The following METTL13 variants were observed in gnomAD, a reference collection of about 807,000 sequenced individuals.
METTL13 encodes the protein methyltransferase 13, eEF1A N-terminus and K55.
METTL13 carries 52 observed loss-of-function variants against 67.4 expected under a neutral mutation model. The observed-to-expected ratio is 0.77, with a 90% CI of 0.62 to 0.97. The LOEUF is 0.97. Ranked by LOEUF, METTL13 falls within the 50% of genes least tolerant of loss-of-function variation. The pLI, the probability that METTL13 is intolerant of heterozygous loss-of-function variation, is 0.00. For missense variants in METTL13, 825 were observed against 889.6 expected (o/e 0.93, Z 0.92); for synonymous variants, 354 against 353.6 (o/e 1.00, Z -0.01).
Position 171,792,087 on chromosome 1 carries a change from T to G in METTL13, c.1545T>G (p.Phe515Leu). Residue 515 changes from phenylalanine (F) to leucine (L), a missense_variant, in exon 6 of 8, where the codon TTT (phenylalanine) becomes TTG (leucine). By Grantham distance (22) the Phe-to-Leu change is conservative. Transcript: ENST00000361735. ...GSLPLFVHDH[F>L]PKSCIDAVEI... ...TCCCCCTCTTTGTCCACGATCATTT[T>G]CCAAAGTCCTGCATTGATGCTGTGG... 1 of 1,613,908 alleles carries G rather than the reference T, an allele frequency of 6.2e-7. No homozygotes were observed. The highest frequency in any genetic ancestry group is 8.5e-7 in the Non-Finnish European group (1 of 1,180,036).
intron 3 of METTL13, 102 bp from the exon 4 acceptor site, chr1:171,787,633 C>T (rs543723923): frequency 9.4e-7 from 1 of 1,062,640 alleles, no homozygotes; most frequent in African/African-American, 1.6e-5. Flanking sequence ...TTGTCTAGAA[C>T]CGTGGTATGG....
In METTL13 at chr1:171,792,164, A is replaced by G; in HGVS notation, c.1622A>G (p.Gln541Arg). ...EVATQWFGFS[Q>R]SDRMKVHIAD... ...GCCACCCAGTGGTTTGGCTTCTCCC[A>G]GAGTGACCGAATGAAGGTCCACATT... The change falls in exon 6 of 8, where the codon CAG becomes CGG. Residue 541 changes from glutamine (Q) to arginine (R), a missense_variant. Coordinates refer to ENST00000361735, the MANE Select transcript of METTL13 (RefSeq NM_015935.5). 6.2e-7 allele frequency: 1 copy of G among 1,614,232 alleles called. No homozygotes were observed. Among genetic ancestry groups the G allele is most frequent in the Non-Finnish European group, 8.5e-7 (1 of 1,180,042 alleles).
intron 7 of METTL13, 97 bp downstream of exon 7, chr1:171,794,624 A>G (rs1038377533): frequency 2.4e-5 from 37 of 1,530,636 alleles, no homozygotes; most frequent in Admixed American, 2.1e-4. Flanking sequence ...AGCTCGATCA[A>G]TTTTTCCAAA....
In METTL13 at chr1:171,786,145, G is replaced by A; in HGVS notation, c.1113+67G>A. ...ATGTTAGCAGCCAGGGAGGCAGAGG[G>A]AGCCTTGGCAGGAGCTAGGACTAGA... On this transcript the variant is annotated intron_variant, in intron 3 of 7. Coordinates refer to ENST00000361735, the MANE Select transcript of METTL13 (RefSeq NM_015935.5). 4.6e-6 allele frequency: 7 copies of A among 1,505,710 alleles called. No individual in the cohort carries two copies. In the South Asian group the frequency reaches 6.4e-5, roughly 14 times the overall value. The allele number at this position is 1,505,710 out of a possible 1,614,324, so 93.3% of individuals were successfully genotyped here. A position where few individuals can be genotyped will look rare whatever the true frequency, so the allele number is the denominator to read the frequency against.
chr1:171,792,414 T>C (rs1323680741), intron 6 of METTL13, among the ~76,000 whole-genome samples, 179 bp downstream of exon 6: 1 of 152,236 alleles, frequency 6.6e-6, no homozygotes, highest in Admixed American at 6.5e-5. Context: ...CTTAGCACTG[T>C]GTTAGGTGTG....
Position 171,786,069 on chromosome 1 carries a change from C to G in METTL13, c.1104C>G (p.Thr368=), listed in dbSNP as rs1463176466. ...AGCTGGCCCCAGCTGGGATGCCCACCCAGCAGCAGGTAACAAAGCTTTCGT... is the reference window on the plus strand; with the variant it reads ...AGCTGGCCCCAGCTGGGATGCCCACGCAGCAGCAGGTAACAAAGCTTTCGT... The part of the protein sequence containing the change: ...VMELAPAGMP[T]QQQVPFLSVG... Residue 368 remains threonine (T), a synonymous_variant, in exon 3 of 8, where the codon ACC becomes ACG. Transcript: ENST00000361735. 28 of 1,612,334 alleles carry G rather than the reference C, an allele frequency of 1.7e-5. No homozygotes were observed. In the Admixed American group the frequency reaches 4.5e-4, roughly 26 times the overall value.
chr1:171,791,491 T>G (rs984511557), intron 5 of METTL13, among the ~76,000 whole-genome samples: 3 of 152,204 alleles, frequency 2.0e-5, no homozygotes, highest in Admixed American at 6.5e-5. Context: ...GAAGTCTTTT[T>G]TTTTGAGACA....
chr1:171,790,095 A>G (rs763623663), intron 4 of METTL13, among the ~76,000 whole-genome samples: 8 of 152,236 alleles, frequency 5.3e-5, no homozygotes, highest in Non-Finnish European at 1.2e-4. Flanking sequence ...GGTACATCAC[A>G]TAGCAAGAGA....
chr1:171,790,445 T>C lies in METTL13; in HGVS notation c.1310-7T>C. ...ACTAAGCATAGGGCTTCATATCTCT[T>C]GTTTAGCCCAGAAGAAGCGGAAAAA... On this transcript the variant is annotated splice_polypyrimidine_tract_variant and splice_region_variant and intron_variant, in intron 4 of 7. Coordinates refer to ENST00000361735, the MANE Select transcript of METTL13 (RefSeq NM_015935.5). The C allele has an allele frequency of 6.3e-7, 1 of 1,580,272 alleles. No homozygotes were observed. Among genetic ancestry groups the C allele is most frequent in the Non-Finnish European group, 8.6e-7 (1 of 1,166,580 alleles).
Position 171,781,891 on chromosome 1 carries a change from T to A in METTL13, c.-77T>A. The A allele has an allele frequency of 6.3e-7, 1 of 1,580,152 alleles. No homozygotes were observed. Among genetic ancestry groups the A allele is most frequent in the Non-Finnish European group, 8.6e-7 (1 of 1,162,540 alleles). ...CCACTGCAGTGTCCCGGAGCCTGCG[T>A]GTGGTGGGCAAGCTCCTCAAATGGT... On this transcript the variant is annotated 5_prime_UTR_variant, in exon 1 of 8. Coordinates refer to ENST00000361735, the MANE Select transcript of METTL13 (RefSeq NM_015935.5).
intron 7 of METTL13, among the ~76,000 whole-genome samples, chr1:171,795,719 G>A (rs1195487743): frequency 6.6e-6 from 1 of 152,172 alleles, no homozygotes; most frequent in African/African-American, 2.4e-5. Context: ...AGGCACTGTG[G>A]TAACTGGCTT....
chr1:171,781,858 A>G lies in METTL13; in HGVS notation c.-110A>G. ...ATCAATGTGGCTGTTTTTCCGTGGAAAGAATTCCCACTGCAGTGTCCCGGA... is the reference window on the plus strand; with the variant it reads ...ATCAATGTGGCTGTTTTTCCGTGGAGAGAATTCCCACTGCAGTGTCCCGGA... On this transcript the variant is annotated 5_prime_UTR_variant, in exon 1 of 8. Transcript: ENST00000361735. The G allele has an allele frequency of 6.5e-7, 1 of 1,528,096 alleles. No individual in the cohort carries two copies. The highest frequency in any genetic ancestry group is 8.8e-7 in the Non-Finnish European group (1 of 1,138,918). 94.7% of individuals were successfully genotyped at this position (1,528,096 alleles called of 1,614,324 possible).
chr1:171,789,432 A>G (rs1657128637), intron 4 of METTL13, among the ~76,000 whole-genome samples: 1 of 152,142 alleles, frequency 6.6e-6, no homozygotes. Flanking sequence ...AAAGGTTGGT[A>G]GTGCTACCTG....
chr1:171,791,517 C>T (rs1176744090), intron 5 of METTL13, among the ~76,000 whole-genome samples: 2 of 152,104 alleles, frequency 1.3e-5, no homozygotes, highest in South Asian at 2.1e-4. Context: ...TTACTCTTGC[C>T]CAGGCTGGAG....
intron 4 of METTL13, among the ~76,000 whole-genome samples, chr1:171,790,209 C>T (rs779204431): frequency 4.6e-5 from 7 of 152,172 alleles, no homozygotes; most frequent in South Asian, 2.1e-4. Context: ...GATCTGCCCC[C>T]GTGACCAGCA....
chr1:171,786,505 G>A (rs1017743543), intron 3 of METTL13, among the ~76,000 whole-genome samples: 2 of 152,170 alleles, frequency 1.3e-5, no homozygotes, highest in African/African-American at 2.4e-5. Context: ...TCACATTGCT[G>A]GTCAGGTGTT....
At chr1:171,792,265 T>A in intron 6 of METTL13, 30 bp downstream of exon 6, 4 of 1,611,320 alleles carry the variant, frequency 2.5e-6, no homozygotes, top group Non-Finnish European at 3.4e-6. Flanking sequence ...TGAAGGGGTG[T>A]TGAGGGATGA....
intron 5 of METTL13, 106 bp from the exon 6 acceptor site, chr1:171,791,911 C>A: frequency 8.8e-7 from 1 of 1,137,248 alleles, no homozygotes; most frequent in East Asian, 2.4e-5. Flanking sequence ...TCTTGTATCC[C>A]CTGAATGGAG....
At chr1:171,787,264 G>A (rs1657048604) in intron 3 of METTL13, among the ~76,000 whole-genome samples, 1 of 152,152 alleles carries the variant, frequency 6.6e-6, no homozygotes, top group African/African-American at 2.4e-5. Context: ...GTTCAGAAAA[G>A]TGGGGGAAAA....
Sources: gnomAD v4.1 joint callset for allele counts (sites outside exome capture counted in the v4.1 genomes callset) on GRCh38, gnomAD v4.1.1 for gene constraint, MANE v1.5 for transcripts, NCBI Gene and HGNC (gene_info 2026-07-23, HGNC 2026-07-21) for gene names.